The following FBXL7 variants were observed in gnomAD, a reference collection of about 807,000 sequenced individuals.
FBXL7 encodes F-box/LRR-repeat protein 7.
A neutral mutation model predicts 38.3 loss-of-function variants in FBXL7; 12 were observed. The observed-to-expected ratio is 0.31, with a 90% CI of 0.20 to 0.51. FBXL7 has a LOEUF of 0.51. Ranked by LOEUF, FBXL7 falls within the 20% of genes least tolerant of loss-of-function variation. FBXL7 has a pLI of 0.98. For missense variants in FBXL7, 567 were observed against 676.4 expected, an observed-to-expected ratio of 0.84 and a Z score of 1.79; for synonymous variants, 297 against 300.9, an observed-to-expected ratio of 0.99 and a Z score of 0.13.
At chr5:15,523,011 G>T (rs551122291) in intron 1 of FBXL7, among the ~76,000 whole-genome samples, 49 of 152,280 alleles carry the variant, frequency 3.2e-4, no homozygotes, top group African/African-American at 1.1e-3. Flanking sequence ...AATTAGTTAT[G>T]TGTAAATGAA....
chr5:15,793,265 G>T (rs1384563054), intron 2 of FBXL7, among the ~76,000 whole-genome samples: 3 of 152,172 alleles, frequency 2.0e-5, no homozygotes, highest in Non-Finnish European at 4.4e-5. Flanking sequence ...TGGTTCTGGA[G>T]GCCAGAAGTC....
chr5:15,783,231 T>C (rs1737044558), intron 2 of FBXL7, among the ~76,000 whole-genome samples: 1 of 152,170 alleles, frequency 6.6e-6, no homozygotes, highest in Admixed American at 6.5e-5. Context: ...GACCTGAGAA[T>C]GTCAGCAGCA....
intron 1 of FBXL7, among the ~76,000 whole-genome samples, chr5:15,590,759 C>T (rs912349705): frequency 1.3e-5 from 2 of 151,994 alleles, no homozygotes; most frequent in Admixed American, 6.6e-5. Flanking sequence ...TGTTGAGAGG[C>T]GTTGAGAGCA....
chr5:15,935,035 G>T, intron 3 of FBXL7: 3 of 440,366 alleles, frequency 6.8e-6, no homozygotes, highest in South Asian at 1.7e-5. Context: ...AAACAGATTG[G>T]CTCTGAGACC....
chr5:15,592,916 C>CA (rs1424311894), intron 1 of FBXL7, among the ~76,000 whole-genome samples: 4 of 152,102 alleles, frequency 2.6e-5, no homozygotes, highest in African/African-American at 9.7e-5. Context: ...TGATGAAAGA[C>CA]AGAGTCCAGG....
chr5:15,609,338 G>C (rs1394581658), intron 1 of FBXL7, among the ~76,000 whole-genome samples: 2 of 152,208 alleles, frequency 1.3e-5, no homozygotes, highest in African/African-American at 4.8e-5. Flanking sequence ...TTCATTTAAG[G>C]GGAGGGAAAT....
At chr5:15,629,951 CTT>C (rs1364634255) in intron 2 of FBXL7, among the ~76,000 whole-genome samples, 1 of 152,024 alleles carries the variant, frequency 6.6e-6, no homozygotes, top group Non-Finnish European at 1.5e-5. Context: ...CTTATGGAAA[CTT>C]GAGGTACATC....
chr5:15,818,737 TGTGTGTGA>T (rs1417382103), intron 2 of FBXL7, among the ~76,000 whole-genome samples: 101 of 115,264 alleles, frequency 8.8e-4, no homozygotes, highest in South Asian at 5.0e-3. Context: ...TGTGTGTGTG[TGTGTGTGA>T]GAGAGAGAGA....
chr5:15,596,445 T>C (rs1739626979), intron 1 of FBXL7, among the ~76,000 whole-genome samples: 1 of 152,154 alleles, frequency 6.6e-6, no homozygotes, highest in South Asian at 2.1e-4. Flanking sequence ...GAGGGATTGC[T>C]TGAGCCCAGG....
intron 2 of FBXL7, among the ~76,000 whole-genome samples, chr5:15,653,231 G>C (rs781318441): frequency 2.0e-5 from 3 of 152,170 alleles, no homozygotes; most frequent in Non-Finnish European, 2.9e-5. Context: ...AAAGCACAAA[G>C]TGAATTCCTG....
In FBXL7 at chr5:15,676,330, T is replaced by A. The variant is rs532696757; in HGVS notation, c.127+60258T>A. On this transcript the variant is annotated intron_variant, in intron 2 of 3. Transcript: ENST00000504595. The stretch of plus-strand genomic sequence containing the variant: ...AAATTTTTCTTTTTCACTTTTCTGC[T>A]GTCATATCCGATTGGCTAAAAGTTT... Among the ~76,000 whole-genome samples the A allele has an allele frequency of 5.3e-5, 8 of 152,366 alleles. No individual in the cohort carries two copies. In the South Asian group the frequency reaches 1.7e-3, roughly 32 times the overall value.
chr5:15,670,238 T>G (rs574542801), intron 2 of FBXL7, among the ~76,000 whole-genome samples: 22 of 152,358 alleles, frequency 1.4e-4, no homozygotes, highest in African/African-American at 4.8e-4. Flanking sequence ...TCCATCTGAA[T>G]GAAGCACAGA....
At position 15,567,592 on chromosome 5, in the gene FBXL7, A is replaced by G. The variant is rs190984026; in HGVS notation, c.38-48391A>G. ...AGTCTGTCTCTTTCTTCTTTTTTTT[A>G]TATATATATATTTTTTATTATACTT... On this transcript the variant is annotated intron_variant, in intron 1 of 3. Transcript: ENST00000504595. Among the ~76,000 whole-genome samples the G allele has an allele frequency of 6.7e-3, 1,004 of 150,724 alleles. 11 individuals carry two copies. The highest frequency in any genetic ancestry group is 0.023 in the African/African-American group (935 of 41,184).
At chr5:15,702,730 A>G (rs540207984) in intron 2 of FBXL7, among the ~76,000 whole-genome samples, 1 of 152,160 alleles carries the variant, frequency 6.6e-6, no homozygotes, top group African/African-American at 2.4e-5. Context: ...TTGAGAAAAT[A>G]CTTTCTTTCA....
chr5:15,619,281 A>G (rs1740549587), intron 2 of FBXL7, among the ~76,000 whole-genome samples: 1 of 152,154 alleles, frequency 6.6e-6, no homozygotes, highest in African/African-American at 2.4e-5. Flanking sequence ...TCAGTTAACA[A>G]CTTTTAATGT....
At chr5:15,619,411 T>A (rs546754459) in intron 2 of FBXL7, among the ~76,000 whole-genome samples, 1 of 152,316 alleles carries the variant, frequency 6.6e-6, no homozygotes, top group Admixed American at 6.5e-5. Context: ...AGCCGTCTCC[T>A]GCCCTGCTCA....
At chr5:15,680,642 TA>T (rs1450216503) in intron 2 of FBXL7, among the ~76,000 whole-genome samples, 1 of 152,188 alleles carries the variant, frequency 6.6e-6, no homozygotes, top group African/African-American at 2.4e-5. Flanking sequence ...TGGTGTTCCA[TA>T]AATGGTTGCT....
rs764703160 is a variant in FBXL7 at position 15,776,956 on chromosome 5, T to C, written c.128-150934T>C. 8.3e-4 allele frequency among the ~76,000 whole-genome samples: 126 copies of C among 152,168 alleles called. 2 individuals are homozygous for C. Among genetic ancestry groups the C allele is most frequent in the Non-Finnish European group, 1.4e-3 (97 of 67,996 alleles). On this transcript the variant is annotated intron_variant, in intron 2 of 3. Transcript: ENST00000504595. ...CACTGTGATTACATATGTATCTTAA[T>C]ATCTTCTTCTTAATCACTCTGTATA...
At chr5:15,876,217 G>A (rs927929587) in intron 2 of FBXL7, among the ~76,000 whole-genome samples, 2 of 152,122 alleles carry the variant, frequency 1.3e-5, no homozygotes, top group Non-Finnish European at 1.5e-5. Context: ...CATGGATACA[G>A]GGAAGGGAAC....
Sources: gnomAD v4.1 joint callset for allele counts (sites outside exome capture counted in the v4.1 genomes callset) on GRCh38, gnomAD v4.1.1 for gene constraint, MANE v1.5 for transcripts, NCBI Gene and HGNC (gene_info 2026-07-23, HGNC 2026-07-21) for gene names.